Variants in RANBP2 observed in about 807,000 individuals in gnomAD.
The protein encoded by RANBP2 is E3 SUMO-protein ligase RanBP2.
Under a neutral mutation model 303.6 loss-of-function variants are expected in RANBP2, and 57 were observed. That is an observed-to-expected ratio of 0.19 (90% CI 0.15 to 0.23). RANBP2 has a LOEUF of 0.23. Among genes scored for constraint, RANBP2 ranks in the 10% least tolerant of loss-of-function variants. The pLI is 1.00. For missense variants in RANBP2, 3,138 were observed against 3,780.8 expected, an observed-to-expected ratio of 0.83 and a Z score of 4.46; for synonymous variants, 1,167 against 1,301.5, an observed-to-expected ratio of 0.90 and a Z score of 2.23.
chr2:109,413,689 C>A, the RANBP2 span, among the ~76,000 whole-genome samples: 1 of 152,234 alleles, frequency 6.6e-6, no homozygotes, highest in African/African-American at 2.4e-5. Context: ...CACGCCTGCC[C>A]CCACCAGCCC....
the RANBP2 span, among the ~76,000 whole-genome samples, chr2:108,996,077 C>T: frequency 6.6e-6 from 1 of 152,200 alleles, no homozygotes; most frequent in Non-Finnish European, 1.5e-5. Context: ...ATCAGTTCTG[C>T]TGGGGTATCA....
At chr2:109,326,530 T>C in the RANBP2 span, among the ~76,000 whole-genome samples, 1 of 152,206 alleles carries the variant, frequency 6.6e-6, no homozygotes, top group Non-Finnish European at 1.5e-5. Flanking sequence ...TTTTAAATTT[T>C]TGCCAATCTG....
At chr2:109,627,363 A>G in the RANBP2 span, among the ~76,000 whole-genome samples, 1 of 151,918 alleles carries the variant, frequency 6.6e-6, no homozygotes, top group Non-Finnish European at 1.5e-5. Context: ...CACCTGGCTG[A>G]TTTTTGTATT....
the RANBP2 span, among the ~76,000 whole-genome samples, chr2:108,957,573 A>G: frequency 6.6e-6 from 1 of 152,334 alleles, no homozygotes; most frequent in Non-Finnish European, 1.5e-5. Flanking sequence ...CTCAGGCTCC[A>G]TGCTTCTGAT....
At chr2:109,083,249 C>A in the RANBP2 span, among the ~76,000 whole-genome samples, 1 of 152,112 alleles carries the variant, frequency 6.6e-6, no homozygotes, top group Admixed American at 6.5e-5. Flanking sequence ...CTCTTTGTAC[C>A]TTCTCAGACT....
At chr2:109,680,068 G>C in the RANBP2 span, among the ~76,000 whole-genome samples, 1 of 151,928 alleles carries the variant, frequency 6.6e-6, no homozygotes, top group African/African-American at 2.4e-5. Context: ...AAAGAGGGCC[G>C]GGTGTGATGG....
chr2:109,074,847 C>T, the RANBP2 span, among the ~76,000 whole-genome samples: 1 of 148,016 alleles, frequency 6.8e-6, no homozygotes, highest in South Asian at 2.2e-4. Context: ...ATGGTGAAAC[C>T]CCATCTCTAC....
At chr2:109,176,427 A>G in the RANBP2 span, among the ~76,000 whole-genome samples, 1 of 152,136 alleles carries the variant, frequency 6.6e-6, no homozygotes, top group Non-Finnish European at 1.5e-5. Flanking sequence ...GTTGCTCACA[A>G]TTTCTTGATC....
the RANBP2 span, among the ~76,000 whole-genome samples, chr2:109,661,032 T>C: frequency 6.6e-6 from 1 of 152,224 alleles, no homozygotes; most frequent in African/African-American, 2.4e-5. Flanking sequence ...AACAGATATA[T>C]GATAAAATAG....
chr2:109,246,485 G>A, the RANBP2 span, among the ~76,000 whole-genome samples: 3 of 152,184 alleles, frequency 2.0e-5, no homozygotes, highest in Non-Finnish European at 2.9e-5. Flanking sequence ...TGGAGGTTAG[G>A]ATTTAACATA....
the RANBP2 span, among the ~76,000 whole-genome samples, chr2:108,815,055 CT>C: frequency 2.6e-5 from 4 of 152,070 alleles, no homozygotes; most frequent in Non-Finnish European, 4.4e-5. Flanking sequence ...AATACTTAGT[CT>C]AATTAAATTT....
chr2:108,988,178 T>C, the RANBP2 span, among the ~76,000 whole-genome samples: 1 of 152,212 alleles, frequency 6.6e-6, no homozygotes, highest in Non-Finnish European at 1.5e-5. Context: ...CTCTTGTTGC[T>C]GACCCAGCAC....
At chr2:108,845,877 T>C in the RANBP2 span, among the ~76,000 whole-genome samples, 1 of 152,254 alleles carries the variant, frequency 6.6e-6, no homozygotes, top group Non-Finnish European at 1.5e-5. Context: ...AGCCTCATTT[T>C]ATTCTTAATA....
the RANBP2 span, among the ~76,000 whole-genome samples, chr2:109,388,885 C>T: frequency 2.0e-5 from 3 of 152,268 alleles, no homozygotes; most frequent in African/African-American, 2.4e-5. Flanking sequence ...TGCTTGCCAC[C>T]TGGAGGCTTT....
At chr2:109,175,961 C>G in the RANBP2 span, among the ~76,000 whole-genome samples, 35 of 152,222 alleles carry the variant, frequency 2.3e-4, no homozygotes, top group African/African-American at 6.7e-4. Flanking sequence ...ATCACTTGTG[C>G]TGAAGCAGAT....
At chr2:109,569,900 A>C in the RANBP2 span, among the ~76,000 whole-genome samples, 1 of 152,040 alleles carries the variant, frequency 6.6e-6, no homozygotes, top group African/African-American at 2.4e-5. Flanking sequence ...CTTTTTAGTA[A>C]CAGAAAACAA....
rs759619921 is a variant in RANBP2 at position 108,768,205 on chromosome 2, A to G, written c.7666A>G (p.Asn2556Asp). 6.2e-7 allele frequency: 1 copy of G among 1,612,024 alleles called. No individual in the cohort carries two copies. The highest frequency in any genetic ancestry group is 1.1e-5 in the South Asian group (1 of 90,988). Residue 2556 changes from asparagine to aspartate, a missense_variant, in exon 20 of 29, where the codon AAC (asparagine) becomes GAC (aspartate). Coordinates refer to ENST00000283195, the MANE Select transcript of RANBP2 (RefSeq NM_006267.5). ...GFSFNAPLKS[N>D]NSETSSVAQS... is the part of the protein sequence containing the mutation. Reference sequence around the variant, plus strand: ...TAGTTTTAATGCACCTTTGAAAAGTAACAATAGTGAAACTAGTTCAGTAGC... The same window carrying G: ...TAGTTTTAATGCACCTTTGAAAAGTGACAATAGTGAAACTAGTTCAGTAGC...
chr2:109,132,488 G>GCT, the RANBP2 span, among the ~76,000 whole-genome samples: 1 of 152,158 alleles, frequency 6.6e-6, no homozygotes, highest in Non-Finnish European at 1.5e-5. Flanking sequence ...TCTCAGCTCT[G>GCT]CTCTCACCTG....
At chr2:108,920,934 C>T in the RANBP2 span, among the ~76,000 whole-genome samples, 4 of 152,050 alleles carry the variant, frequency 2.6e-5, no homozygotes, top group Admixed American at 6.5e-5. Flanking sequence ...TGAGATAACT[C>T]GTCTAACTCA....
Sources: allele counts gnomAD v4.1 joint callset (sites outside exome capture counted in the v4.1 genomes callset), GRCh38; gene constraint gnomAD v4.1.1; transcripts MANE v1.5; gene names NCBI Gene and HGNC (gene_info 2026-07-23, HGNC 2026-07-21).